Variants in BMAL2 observed in about 807,000 individuals in gnomAD.
BMAL2 encodes the protein basic helix-loop-helix ARNT like 2, also known as basic helix-loop-helix ARNT-like protein 2.
At chr12:27,377,786 G>C in the BMAL2 span, among the ~76,000 whole-genome samples, 1 of 152,068 alleles carries the variant, frequency 6.6e-6, no homozygotes, top group African/African-American at 2.4e-5. Flanking sequence ...ATAGAACAAA[G>C]TATGAGTAGA....
the BMAL2 span, among the ~76,000 whole-genome samples, chr12:27,376,676 C>G: frequency 6.6e-6 from 1 of 152,038 alleles, no homozygotes; most frequent in African/African-American, 2.4e-5. Flanking sequence ...TTAAACAAAT[C>G]AGTTACTTAT....
the BMAL2 span, chr12:27,380,187 C>A: frequency 6.5e-7 from 1 of 1,545,070 alleles, no homozygotes; most frequent in Non-Finnish European, 8.9e-7. Flanking sequence ...GTGAGCAACA[C>A]GGGGGTGACT....
At chr12:27,375,522 A>G in the BMAL2 span, among the ~76,000 whole-genome samples, 1 of 152,194 alleles carries the variant, frequency 6.6e-6, no homozygotes, top group South Asian at 2.1e-4. Flanking sequence ...TCTACATGGT[A>G]CCCATGCACC....
At chr12:27,354,238 T>C in the BMAL2 span, among the ~76,000 whole-genome samples, 1 of 152,062 alleles carries the variant, frequency 6.6e-6, no homozygotes, top group Admixed American at 6.5e-5. Context: ...TACACAGCCA[T>C]AAAAAAGAAT....
At chr12:27,366,363 T>C in the BMAL2 span, among the ~76,000 whole-genome samples, 5 of 152,308 alleles carry the variant, frequency 3.3e-5, 1 homozygote, top group East Asian at 9.6e-4. Flanking sequence ...CATATCATTA[T>C]TTTTACTACT....
the BMAL2 span, among the ~76,000 whole-genome samples, chr12:27,363,114 TTA>T: frequency 6.6e-6 from 1 of 152,182 alleles, no homozygotes; most frequent in Admixed American, 6.5e-5. Flanking sequence ...CTGGCCAGCA[TTA>T]TGTTTTTTGA....
chr12:27,417,865 C>T, the BMAL2 span, among the ~76,000 whole-genome samples: 5 of 151,940 alleles, frequency 3.3e-5, no homozygotes, highest in African/African-American at 1.2e-4. Flanking sequence ...TGGTGGCACA[C>T]ACCTGTAATC....
chr12:27,414,881 AAG>A, the BMAL2 span, among the ~76,000 whole-genome samples: 1 of 152,182 alleles, frequency 6.6e-6, no homozygotes, highest in Non-Finnish European at 1.5e-5. Context: ...TAGCTAGACT[AAG>A]AAAAAAAAGA....
the BMAL2 span, among the ~76,000 whole-genome samples, chr12:27,398,146 A>G: frequency 6.6e-6 from 1 of 152,174 alleles, no homozygotes; most frequent in Admixed American, 6.5e-5. Context: ...AACTTCTTAT[A>G]TTTGAATCCT....
At chr12:27,403,368 GA>G in the BMAL2 span, 2 of 1,113,696 alleles carry the variant, frequency 1.8e-6, no homozygotes, top group South Asian at 2.7e-5. Flanking sequence ...AGAGAACTGT[GA>G]AATTATTTGA....
At chr12:27,402,402 G>A in the BMAL2 span, among the ~76,000 whole-genome samples, 5,248 of 152,214 alleles carry the variant, frequency 0.034, 158 homozygotes, top group Non-Finnish European at 0.049. Context: ...TTGTTATTGT[G>A]AGAACACATA....
At chr12:27,344,667 A>G in the BMAL2 span, among the ~76,000 whole-genome samples, 1 of 152,212 alleles carries the variant, frequency 6.6e-6, no homozygotes, top group Non-Finnish European at 1.5e-5. Flanking sequence ...CTCTCACTTG[A>G]GGTCAACTGA....
the BMAL2 span, among the ~76,000 whole-genome samples, chr12:27,354,190 G>A: frequency 2.6e-5 from 4 of 152,164 alleles, no homozygotes; most frequent in African/African-American, 9.7e-5. Flanking sequence ...GTGGCGGACT[G>A]GACAAAGAAA....
chr12:27,403,645 T>G, the BMAL2 span: 1 of 580,120 alleles, frequency 1.7e-6, no homozygotes, highest in Non-Finnish European at 2.9e-6. Context: ...GATAACCAGT[T>G]TAATATAATG....
the BMAL2 span, among the ~76,000 whole-genome samples, chr12:27,362,422 C>T: frequency 1.7e-4 from 26 of 152,100 alleles, no homozygotes; most frequent in African/African-American, 5.8e-4. Context: ...TTATTCTCCC[C>T]ACTTCTTTAT....
chr12:27,365,111 T>C, the BMAL2 span, among the ~76,000 whole-genome samples: 1 of 152,082 alleles, frequency 6.6e-6, no homozygotes, highest in Admixed American at 6.5e-5. Context: ...TTATATTTCA[T>C]TTTCCTTTTT....
the BMAL2 span, among the ~76,000 whole-genome samples, chr12:27,339,018 C>T: frequency 6.6e-6 from 1 of 152,062 alleles, no homozygotes; most frequent in Non-Finnish European, 1.5e-5. Flanking sequence ...TGGGTAAACT[C>T]GTGTCACAGG....
At chr12:27,390,497 G>A in the BMAL2 span, 4 of 338,836 alleles carry the variant, frequency 1.2e-5, no homozygotes, top group Non-Finnish European at 2.1e-5. Context: ...GGCCTATCAA[G>A]TGGGAAAAAA....
chr12:27,388,367 A>G, the BMAL2 span, among the ~76,000 whole-genome samples: 70 of 152,312 alleles, frequency 4.6e-4, no homozygotes, highest in Non-Finnish European at 7.5e-4. Context: ...AATGAAACAT[A>G]TAACCGCCAA....
Sources: allele counts gnomAD v4.1 joint callset (sites outside exome capture counted in the v4.1 genomes callset), GRCh38; gene constraint gnomAD v4.1.1; transcripts MANE v1.5; gene names NCBI Gene and HGNC (gene_info 2026-07-23, HGNC 2026-07-21).